The following KIRREL3 variants were observed in gnomAD, a reference collection of about 807,000 sequenced individuals.
The protein encoded by KIRREL3 is kin of IRRE-like protein 3.
A neutral mutation model predicts 89.7 loss-of-function variants in KIRREL3; 36 were observed. That is an observed-to-expected ratio of 0.40 (90% confidence interval 0.31 to 0.53). The LOEUF is 0.53. KIRREL3 is among the 20% of genes least tolerant of loss of function. The pLI, the probability that KIRREL3 is intolerant of heterozygous loss-of-function variation, is 0.49. For missense variants in KIRREL3, 864 were observed against 1,056.6 expected (o/e 0.82, Z 2.53); for synonymous variants, 445 against 441.4 (o/e 1.01, Z -0.10).
intron 1 of KIRREL3, among the ~76,000 whole-genome samples, chr11:126,887,499 C>T (rs1466949341): frequency 6.6e-6 from 1 of 152,158 alleles, no homozygotes; most frequent in Non-Finnish European, 1.5e-5. Flanking sequence ...GGTCACTGCT[C>T]TCTCCTCAGC....
In KIRREL3 at chr11:126,473,364, G is replaced by C; in HGVS notation, c.536C>G (p.Ala179Gly). 1.9e-6 allele frequency: 3 copies of C among 1,566,546 alleles called. No individual in the cohort carries two copies. Among genetic ancestry groups the C allele is most frequent in the Non-Finnish European group, 2.6e-6 (3 of 1,157,258 alleles). The change falls in exon 5 of 17, where the codon GCC (alanine) becomes GGC (glycine). Residue 179 changes from alanine (A) to glycine (G), a missense_variant. By Grantham distance (60) the Ala-to-Gly change is moderately conservative (BLOSUM62 0). Transcript: ENST00000525144. ...TCHADNAKPA[A>G]SIIWLRKGEV... ...TCCCTTTCGCAACCAGATGATGGAG[G>C]CTGCAGGCTTGGCATTGTCTGCGTG...
Position 126,978,048 on chromosome 11 carries a change from C to T in KIRREL3, c.55+22407G>A, listed in dbSNP as rs1591414276. On this transcript the variant is annotated intron_variant, in intron 1 of 16. Transcript: ENST00000525144. This position sits in a 1 kb window ranked among gnomAD's most constrained non-coding sequence, Gnocchi z 4.2. ...GCCAGTCTACTGACAGCCTCCTTCT[C>T]CAGCACGGCAGCCCACCAAAAGTGC... 6.6e-6 allele frequency among the ~76,000 whole-genome samples: 1 copy of T among 152,172 alleles called. No individual in the cohort carries two copies. The highest frequency in any genetic ancestry group is 1.5e-5 in the Non-Finnish European group (1 of 68,032).
chr11:126,657,865 C>A (rs891982834), intron 1 of KIRREL3, among the ~76,000 whole-genome samples: 1 of 152,212 alleles, frequency 6.6e-6, no homozygotes. Context: ...TCAGGCTTTA[C>A]TGCTATCTAC....
In KIRREL3 at chr11:126,521,208, A is replaced by C; in HGVS notation, c.433+107T>G. The C allele has an allele frequency of 1.7e-6, 2 of 1,205,446 alleles. No homozygotes were observed. The highest frequency in any genetic ancestry group is 2.7e-5 in the East Asian group (1 of 37,094). The allele number at this position is 1,205,446 out of a possible 1,614,324, so 74.7% of individuals were successfully genotyped here. A position where few individuals can be genotyped will look rare whatever the true frequency, so the allele number is the denominator to read the frequency against. ...GCAGTGTCTGGAGCCCTGTGGGATGATCCCCAGAGGGGAGTCTCCCCATGT... is the reference window on the plus strand; with the variant it reads ...GCAGTGTCTGGAGCCCTGTGGGATGCTCCCCAGAGGGGAGTCTCCCCATGT... On this transcript the variant is annotated intron_variant, in intron 4 of 16. Coordinates refer to ENST00000525144, the MANE Select transcript of KIRREL3 (RefSeq NM_032531.4). This position sits in a 1 kb window ranked among gnomAD's most constrained non-coding sequence, Gnocchi z 4.1.
rs1397673985 is a variant in KIRREL3 at position 127,000,142 on chromosome 11, T to C, written c.55+313A>G. ...GTTCAGAGCGGCATAACCACAGAGA[T>C]ACTACCTAATTAACATACCAGAAGC... is the stretch of plus-strand genomic sequence containing the variant. On this transcript the variant is annotated intron_variant, in intron 1 of 16. Coordinates refer to ENST00000525144, the MANE Select transcript of KIRREL3 (RefSeq NM_032531.4). This position sits in a 1 kb window ranked among gnomAD's most constrained non-coding sequence, Gnocchi z 7.1. 2.0e-5 allele frequency among the ~76,000 whole-genome samples: 3 copies of C among 152,122 alleles called. No individual in the cohort carries two copies. Among genetic ancestry groups the C allele is most frequent in the East Asian group, 3.9e-4 (2 of 5,180 alleles).
rs1195386891 is a variant in KIRREL3 at position 126,976,327 on chromosome 11, A to C, written c.55+24128T>G. On this transcript the variant is annotated intron_variant, in intron 1 of 16. Transcript: ENST00000525144. The surrounding 1 kb of genome is among the most constrained non-coding windows in gnomAD (Gnocchi z 4.2). The stretch of plus-strand genomic sequence containing the variant: ...TTTTCTTAAATGAGATGTTAGCATC[A>C]CTTGCTTTTAGCAAGCCAAAGGTTG... 6.6e-6 allele frequency among the ~76,000 whole-genome samples: 1 copy of C among 152,232 alleles called. No individual in the cohort carries two copies. The highest frequency in any genetic ancestry group is 1.5e-5 in the Non-Finnish European group (1 of 68,040).
At position 126,891,154 on chromosome 11, in the gene KIRREL3, G is replaced by T. The variant is rs1945903147; in HGVS notation, c.55+109301C>A. On this transcript the variant is annotated intron_variant, in intron 1 of 16. Transcript: ENST00000525144. This position sits in a 1 kb window ranked among gnomAD's most constrained non-coding sequence, Gnocchi z 5.1. ...ATTTAATGGCACATGGGTTTGAAGT[G>T]TACATAAGCCACAGTGGAAACATCT... Among the ~76,000 whole-genome samples the T allele has an allele frequency of 6.6e-6, 1 of 152,142 alleles. No individual in the cohort carries two copies. The highest frequency in any genetic ancestry group is 2.4e-5 in the African/African-American group (1 of 41,418).
Position 126,912,100 on chromosome 11 carries a change from A to G in KIRREL3, c.55+88355T>C, listed in dbSNP as rs1946846453. Among the ~76,000 whole-genome samples the G allele has an allele frequency of 2.0e-5, 3 of 152,012 alleles. No individual in the cohort carries two copies. The highest frequency in any genetic ancestry group is 7.2e-5 in the African/African-American group (3 of 41,392). Reference sequence around the variant, plus strand: ...CATGGAGAGCCCCAAATCGTCCTTCAGACCCCTGGCAGTCTGGAAGCCTAG... The same window carrying G: ...CATGGAGAGCCCCAAATCGTCCTTCGGACCCCTGGCAGTCTGGAAGCCTAG... On this transcript the variant is annotated intron_variant, in intron 1 of 16. Coordinates refer to ENST00000525144, the MANE Select transcript of KIRREL3 (RefSeq NM_032531.4). This position sits in a 1 kb window ranked among gnomAD's most constrained non-coding sequence, Gnocchi z 4.7.
intron 1 of KIRREL3, among the ~76,000 whole-genome samples, chr11:126,618,339 C>T (rs569379743): frequency 3.9e-5 from 6 of 152,168 alleles, no homozygotes; most frequent in Non-Finnish European, 7.3e-5. Flanking sequence ...GATTCATGTG[C>T]GCAGAAACCG....
Position 126,425,009 on chromosome 11 carries a change from G to C in KIRREL3, c.1908C>G (p.Gly636=), listed in dbSNP as rs543026812. The C allele has an allele frequency of 6.5e-7, 1 of 1,541,154 alleles. No homozygotes were observed. The highest frequency in any genetic ancestry group is 1.4e-5 in the African/African-American group (1 of 73,350). ...CTTTGAAGGTGTTGACGCTGTAGTA[G>C]CCATTGGTGGGGTCCTGGATGGGCG... is the stretch of plus-strand genomic sequence containing the variant. ...EFQNLKDPTN[G]YYSVNTFKEH... The change falls in exon 17 of 17, where the codon GGC becomes GGG. Residue 636 remains glycine, a synonymous_variant. Coordinates refer to ENST00000525144, the MANE Select transcript of KIRREL3 (RefSeq NM_032531.4).
At chr11:126,810,818 C>A (rs879447759) in intron 1 of KIRREL3, among the ~76,000 whole-genome samples, 1 of 152,136 alleles carries the variant, frequency 6.6e-6, no homozygotes, top group Non-Finnish European at 1.5e-5. Context: ...GGAGGCCGAG[C>A]AACAGAGAGC....
intron 5 of KIRREL3, among the ~76,000 whole-genome samples, chr11:126,470,266 A>G (rs891575524): frequency 2.6e-5 from 4 of 152,234 alleles, no homozygotes; most frequent in African/African-American, 9.6e-5. Context: ...GACTGGAAGG[A>G]AAGCCCCTAT....
chr11:126,490,630 G>A lies in KIRREL3; in HGVS notation c.434-17164C>T, dbSNP rs1000255. Among the ~76,000 whole-genome samples, 114,550 of 152,102 alleles carry A rather than the reference G, an allele frequency of 0.75. 43,454 individuals carry two copies. Among genetic ancestry groups the A allele is most frequent in the African/African-American group, 0.85 (35,262 of 41,504 alleles). On this transcript the variant is annotated intron_variant, in intron 4 of 16. Transcript: ENST00000525144. The surrounding 1 kb of genome is among the most constrained non-coding windows in gnomAD (Gnocchi z 4.2). The stretch of plus-strand genomic sequence containing the variant: ...ATTAGTTATTTGAGCCTGTGTCTTC[G>A]TCATAAAATAAGAGGGATAATAATT...
chr11:126,743,401 G>A (rs111546820), intron 1 of KIRREL3, among the ~76,000 whole-genome samples: 4 of 152,292 alleles, frequency 2.6e-5, no homozygotes, highest in African/African-American at 9.6e-5. Context: ...TGATTTAGGA[G>A]GTTTGACATG....
Position 126,592,746 on chromosome 11 carries a change from T to C in KIRREL3, c.56-29834A>G, listed in dbSNP as rs1180620866. Among the ~76,000 whole-genome samples, 7 of 152,284 alleles carry C rather than the reference T, an allele frequency of 4.6e-5. No homozygotes were observed. In the East Asian group the frequency reaches 1.2e-3, roughly 25 times the overall value. On this transcript the variant is annotated intron_variant, in intron 1 of 16. Coordinates refer to ENST00000525144, the MANE Select transcript of KIRREL3 (RefSeq NM_032531.4). ...GGAGGCCTTGGGGAAGATGTGAGTTTGGCACCAGTCGCAGGTAAGGCCTTT... is the reference window on the plus strand; with the variant it reads ...GGAGGCCTTGGGGAAGATGTGAGTTCGGCACCAGTCGCAGGTAAGGCCTTT...
At chr11:126,502,855 C>G (rs1957902928) in intron 4 of KIRREL3, among the ~76,000 whole-genome samples, 1 of 152,166 alleles carries the variant, frequency 6.6e-6, no homozygotes, top group African/African-American at 2.4e-5. Flanking sequence ...AACATTTCAC[C>G]TGCCTTCGCC....
At chr11:126,880,682 G>GTT (rs1945463616) in intron 1 of KIRREL3, among the ~76,000 whole-genome samples, 2 of 145,956 alleles carry the variant, frequency 1.4e-5, no homozygotes, top group South Asian at 4.4e-4. Context: ...TGCACTGCAT[G>GTT]TTTACACTTA....
At position 126,689,042 on chromosome 11, in the gene KIRREL3, AAGAGAG is replaced by A. The variant is rs58257040; in HGVS notation, c.56-126136_56-126131del. On this transcript the variant is annotated intron_variant, in intron 1 of 16. Transcript: ENST00000525144. This position sits in a 1 kb window ranked among gnomAD's most constrained non-coding sequence, Gnocchi z 5.2. Reference sequence around the variant, plus strand: ...ATGTGTGTGTGTGTAAGGGGGAGAGAAGAGAGAGAGAGAGAGAGAGAGAGAGAGAGA... The same window carrying A: ...ATGTGTGTGTGTGTAAGGGGGAGAGAAGAGAGAGAGAGAGAGAGAGAGAGA... Among the ~76,000 whole-genome samples the A allele has an allele frequency of 0.028, 3,580 of 129,762 alleles. 53 individuals carry two copies. The highest frequency in any genetic ancestry group is 0.038 in the Non-Finnish European group (2,341 of 62,178). The allele number at this position is 129,762 out of a possible 152,430, so 85.1% of individuals were successfully genotyped here.
Position 126,990,359 on chromosome 11 carries a change from CCCGCCTCCTGCGAGAGCCG to C in KIRREL3, c.55+10077_55+10095del, listed in dbSNP as rs1949998970. Among the ~76,000 whole-genome samples, 1 of 152,192 alleles carries C rather than the reference CCCGCCTCCTGCGAGAGCCG, an allele frequency of 6.6e-6. No individual in the cohort carries two copies. The highest frequency in any genetic ancestry group is 1.5e-5 in the Non-Finnish European group (1 of 68,046). On this transcript the variant is annotated intron_variant, in intron 1 of 16. Coordinates refer to ENST00000525144, the MANE Select transcript of KIRREL3 (RefSeq NM_032531.4). The surrounding 1 kb of genome is among the most constrained non-coding windows in gnomAD (Gnocchi z 6.3). Reference sequence around the variant, plus strand: ...ACCCTGCAGAATCAGGAGAGAGGAACCCGCCTCCTGCGAGAGCCGCCGCCATCTGTAACGTTGCCCTCAC... The same window carrying C: ...ACCCTGCAGAATCAGGAGAGAGGAACCCGCCATCTGTAACGTTGCCCTCAC...
Sources: allele counts gnomAD v4.1 joint callset (sites outside exome capture counted in the v4.1 genomes callset), GRCh38; gene constraint gnomAD v4.1.1; non-coding constraint Gnocchi (gnomAD v3.1); transcripts MANE v1.5; gene names NCBI Gene and HGNC (gene_info 2026-07-23, HGNC 2026-07-21).